Variants in DDX23 observed in about 807,000 individuals in gnomAD.
The protein encoded by DDX23 is DEAD-box helicase 23.
A neutral mutation model predicts 102.7 loss-of-function variants in DDX23; 33 were observed. The ratio of observed to expected loss-of-function variants is 0.32; its 90% CI spans 0.24 to 0.43. The LOEUF (loss-of-function observed/expected upper bound fraction) is 0.43, where lower values mean the gene tolerates loss of function less well. DDX23 is among the 20% of genes least tolerant of loss of function. The pLI, the probability that DDX23 is intolerant of heterozygous loss-of-function variation, is 1.00. For synonymous variants in DDX23, 352 were observed against 376.0 expected, an observed-to-expected ratio of 0.94 and a Z score of 0.74; for missense variants, 549 against 1,086.6, an observed-to-expected ratio of 0.51 and a Z score of 6.96.
Position 48,830,795 on chromosome 12 carries a change from G to A in DDX23, c.2240-103C>T. ...GCATCCTTCCCACCCCATCTCCAAAGGCAGGAATACAGCACATGCTGCCTG... is the reference window on the plus strand; with the variant it reads ...GCATCCTTCCCACCCCATCTCCAAAAGCAGGAATACAGCACATGCTGCCTG... On this transcript the variant is annotated intron_variant, in intron 16 of 16. Coordinates refer to ENST00000308025, the MANE Select transcript of DDX23 (RefSeq NM_004818.3). This position sits in a 1 kb window ranked among gnomAD's most constrained non-coding sequence, Gnocchi z 4.9. 8.0e-7 allele frequency: 1 copy of A among 1,245,814 alleles called. No individual in the cohort carries two copies. Among genetic ancestry groups the A allele is most frequent in the East Asian group, 2.4e-5 (1 of 41,382 alleles). 77.2% of individuals were successfully genotyped at this position (1,245,814 alleles called of 1,614,324 possible).
Position 48,836,397 on chromosome 12 carries a change from C to T in DDX23, c.1237-131G>A, listed in dbSNP as rs1400450543. 4.7e-6 allele frequency: 6 copies of T among 1,288,034 alleles called. No individual in the cohort carries two copies. The East Asian group carries it at 1.4e-4, about 30-fold the overall frequency. 79.8% of individuals were successfully genotyped at this position (1,288,034 alleles called of 1,614,324 possible). Reference sequence around the variant, plus strand: ...GTACAGTTCACAGAAATAGGGACCCCAAGAAGAAACCTAATCACTAAAAGC... The same window carrying T: ...GTACAGTTCACAGAAATAGGGACCCTAAGAAGAAACCTAATCACTAAAAGC... On this transcript the variant is annotated intron_variant, in intron 10 of 16. Coordinates refer to ENST00000308025, the MANE Select transcript of DDX23 (RefSeq NM_004818.3). The surrounding 1 kb of genome is among the most constrained non-coding windows in gnomAD (Gnocchi z 6.1).
At chr12:48,834,288 C>A in intron 12 of DDX23, 32 bp downstream of exon 12, 2 of 1,583,192 alleles carry the variant, frequency 1.3e-6, no homozygotes, top group Non-Finnish European at 1.7e-6. Context: ...CCTTCCCAGA[C>A]AGCAGGCTGG....
chr12:48,851,494 GA>G (rs1200528346), intron 1 of DDX23, among the ~76,000 whole-genome samples: 2 of 151,542 alleles, frequency 1.3e-5, no homozygotes, highest in Admixed American at 6.6e-5. Flanking sequence ...GAAAAGAAAA[GA>G]AAAAAAAGAA....
At chr12:48,845,371 C>A (rs1232999887) in intron 2 of DDX23, among the ~76,000 whole-genome samples, 1 of 152,110 alleles carries the variant, frequency 6.6e-6, no homozygotes, top group Non-Finnish European at 1.5e-5. Context: ...AGGAGAATGG[C>A]GTGAACCTGC....
At position 48,834,590 on chromosome 12, in the gene DDX23, A is replaced by G. The variant is rs746816572; in HGVS notation, c.1383-93T>C. The G allele has an allele frequency of 6.0e-5, 71 of 1,189,008 alleles. 1 individual carries two copies. Among genetic ancestry groups the G allele is most frequent in the Non-Finnish European group, 7.8e-5 (65 of 830,218 alleles). 73.7% of individuals were successfully genotyped at this position (1,189,008 alleles called of 1,614,324 possible). A position where few individuals can be genotyped will look rare whatever the true frequency, so the allele number is the denominator to read the frequency against. ...GACAAAGTCACTCTTACGGGGAGCA[A>G]TGGGAATGGGGAGGATGATGAGAAA... is the stretch of plus-strand genomic sequence containing the variant. On this transcript the variant is annotated intron_variant, in intron 11 of 16. Coordinates refer to ENST00000308025, the MANE Select transcript of DDX23 (RefSeq NM_004818.3).
chr12:48,845,150 C>CT (rs200980252), intron 2 of DDX23, among the ~76,000 whole-genome samples: 4 of 98,036 alleles, frequency 4.1e-5, no homozygotes, highest in African/African-American at 1.5e-4. Context: ...GAAACTCCAT[C>CT]TTTTAAAAAA....
At chr12:48,844,956 C>T (rs988354257) in intron 2 of DDX23, among the ~76,000 whole-genome samples, 2 of 150,078 alleles carry the variant, frequency 1.3e-5, no homozygotes, top group Non-Finnish European at 3.0e-5. Flanking sequence ...AGATTGAGAT[C>T]AGCCTGACCA....
Position 48,830,202 on chromosome 12 carries a change from C to A in DDX23, c.*267G>T, listed in dbSNP as rs1237686545. ...CCCATAGCCTGGCATGAGCTGATGG[C>A]CCAGTGCAATCCCAAAGCAAAGAAG... On this transcript the variant is annotated 3_prime_UTR_variant, in exon 17 of 17. Coordinates refer to ENST00000308025, the MANE Select transcript of DDX23 (RefSeq NM_004818.3). The surrounding 1 kb of genome is among the most constrained non-coding windows in gnomAD (Gnocchi z 4.9). 1.7e-6 allele frequency: 1 copy of A among 598,536 alleles called. No homozygotes were observed. The highest frequency in any genetic ancestry group is 1.8e-5 in the African/African-American group (1 of 55,172). The allele number at this position is 598,536 out of a possible 1,614,324, so 37.1% of individuals were successfully genotyped here.
At position 48,830,025 on chromosome 12, in the gene DDX23, C is replaced by T. The variant is rs1372846665; in HGVS notation, c.*444G>A. 7 of 365,286 alleles carry T rather than the reference C, an allele frequency of 1.9e-5. No individual in the cohort carries two copies. Among genetic ancestry groups the T allele is most frequent in the African/African-American group, 4.3e-5 (2 of 46,958 alleles). The allele number at this position is 365,286 out of a possible 1,614,324, so 22.6% of individuals were successfully genotyped here. A position where few individuals can be genotyped will look rare whatever the true frequency, so the allele number is the denominator to read the frequency against. ...CCAGATGACAGTAAGATTCCACTGT[C>T]TGTAATCCTCATGGTGCCAGGTCTC... On this transcript the variant is annotated 3_prime_UTR_variant, in exon 17 of 17. Coordinates refer to ENST00000308025, the MANE Select transcript of DDX23 (RefSeq NM_004818.3). The surrounding 1 kb of genome is among the most constrained non-coding windows in gnomAD (Gnocchi z 4.9).
At chr12:48,849,459 C>T (rs749714278) in intron 1 of DDX23, among the ~76,000 whole-genome samples, 1 of 151,968 alleles carries the variant, frequency 6.6e-6, no homozygotes, top group East Asian at 2.0e-4. Context: ...GTCAGGAGTT[C>T]GAGACCAGCC....
At chr12:48,834,199 G>A (rs1000202162) in intron 12 of DDX23, 121 bp downstream of exon 12, 21 of 859,896 alleles carry the variant, frequency 2.4e-5, no homozygotes, top group Non-Finnish European at 3.4e-5. Flanking sequence ...TCAATAAATA[G>A]CACATATATA....
rs1592198284 is a variant in DDX23, at chr12:48,830,085, T to C, written c.*384A>G. 2.5e-6 allele frequency: 1 copy of C among 394,370 alleles called. No individual in the cohort carries two copies. Among genetic ancestry groups the C allele is most frequent in the East Asian group, 6.8e-5 (1 of 14,734 alleles). 24.4% of individuals were successfully genotyped at this position (394,370 alleles called of 1,614,324 possible). On this transcript the variant is annotated 3_prime_UTR_variant, in exon 17 of 17. Transcript: ENST00000308025. The surrounding 1 kb of genome is among the most constrained non-coding windows in gnomAD (Gnocchi z 4.9). ...CTAGGGCAATGATGCTACTGCAGTT[T>C]ATGCAGTTACACAGTCAAGTCTGTG...
intron 3 of DDX23, 58 bp downstream of exon 3, chr12:48,843,882 A>T: frequency 6.4e-7 from 1 of 1,568,692 alleles, no homozygotes. Context: ...GAGCAAACTC[A>T]GGTGCAGAGA....
rs1188844307 is a variant in DDX23 at position 48,840,035 on chromosome 12, T to A, written c.392A>T (p.Glu131Val). The A allele has an allele frequency of 6.2e-7, 1 of 1,614,078 alleles. No homozygotes were observed. The highest frequency in any genetic ancestry group is 1.3e-5 in the African/African-American group (1 of 74,946). The change falls in exon 4 of 17, where the codon GAA (glutamate) becomes GTA (valine). Residue 131 changes from glutamate (E) to valine (V), a missense_variant. Around this residue, in one of 4 missense-constraint regions of DDX23, gnomAD observed 241 missense variants for 267.0 expected, o/e 0.90. Coordinates refer to ENST00000308025, the MANE Select transcript of DDX23 (RefSeq NM_004818.3). Reference protein sequence around the residue: ...DRDSKKDEEDEHGDKKPKAQP... With the variant: ...DRDSKKDEEDVHGDKKPKAQP... ...TACCTTAGGCTTCTTATCACCATGT[T>A]CATCCTCTTCATCCTTCTTAGAGTC...
chr12:48,841,363 G>A (rs1938547718), intron 3 of DDX23, among the ~76,000 whole-genome samples: 1 of 152,142 alleles, frequency 6.6e-6, no homozygotes, highest in African/African-American at 2.4e-5. Context: ...TCCAGCCTGG[G>A]CAACAGAACA....
chr12:48,850,980 C>G (rs1178748782), intron 1 of DDX23, among the ~76,000 whole-genome samples: 1 of 152,212 alleles, frequency 6.6e-6, no homozygotes, highest in African/African-American at 2.4e-5. Flanking sequence ...AATAACCAGG[C>G]TGACTCTGGC....
intron 1 of DDX23, among the ~76,000 whole-genome samples, chr12:48,847,694 T>A (rs1197383736): frequency 1.3e-5 from 2 of 151,764 alleles, no homozygotes; most frequent in Admixed American, 1.3e-4. Flanking sequence ...CCACGCATGG[T>A]GGTACACGCT....
chr12:48,832,293 A>G lies in DDX23; in HGVS notation c.1956-107T>C, dbSNP rs1938401258. 6.5e-7 allele frequency: 1 copy of G among 1,550,052 alleles called. No homozygotes were observed. The highest frequency in any genetic ancestry group is 1.4e-5 in the African/African-American group (1 of 73,498). ...TTTCAGGGTCTTTAATGCCCATGAC[A>G]TTCTGCCCAAGAAAACAGCAGCTCT... On this transcript the variant is annotated intron_variant, in intron 14 of 16. Coordinates refer to ENST00000308025, the MANE Select transcript of DDX23 (RefSeq NM_004818.3). This position sits in a 1 kb window ranked among gnomAD's most constrained non-coding sequence, Gnocchi z 4.4.
chr12:48,838,043 G>A lies in DDX23; in HGVS notation c.518C>T (p.Ala173Val), dbSNP rs2137485652. ...CACCTCCTGCTGCCGTCGCTTTAGA[G>A]CTTCAGCCTCTCGTTCTGCTTTAGA... ...FLSKAEREAE[A>V]LKRRQQEVEE... The change falls in exon 6 of 17, where the codon GCT (alanine) becomes GTT (valine). Residue 173 changes from alanine (A) to valine (V), a missense_variant. Physicochemically the swap from Ala to Val is moderately conservative, Grantham distance 64. Around this residue, in one of 4 missense-constraint regions of DDX23, gnomAD observed 241 missense variants for 267.0 expected, o/e 0.90. Coordinates refer to ENST00000308025, the MANE Select transcript of DDX23 (RefSeq NM_004818.3). 1.2e-6 allele frequency: 2 copies of A among 1,614,216 alleles called. No individual in the cohort carries two copies. The highest frequency in any genetic ancestry group is 2.2e-5 in the East Asian group (1 of 44,884).
Sources: allele counts gnomAD v4.1 joint callset (sites outside exome capture counted in the v4.1 genomes callset), GRCh38; gene constraint gnomAD v4.1.1; regional missense constraint gnomAD v4.1.1; non-coding constraint Gnocchi (gnomAD v3.1); transcripts MANE v1.5; gene names NCBI Gene and HGNC (gene_info 2026-07-23, HGNC 2026-07-21).